The following BDKRB1 variants were observed in gnomAD, a reference collection of about 807,000 sequenced individuals.
The protein encoded by BDKRB1 is B1 bradykinin receptor.
For missense variants in BDKRB1, 414 were observed against 441.4 expected, an observed-to-expected ratio of 0.94 and a Z score of 0.56; for synonymous variants, 192 against 189.1, an observed-to-expected ratio of 1.02 and a Z score of -0.13.
In BDKRB1 at chr14:96,264,618, T is replaced by C. The variant is rs2139817680; in HGVS notation, c.936T>C (p.Tyr312=). Reference sequence around the variant, plus strand: ...ACAGCTCCCTGAATCCAGTAATTTATGTCTTTGTGGGCCGGCTCTTCAGGA... The same window carrying C: ...ACAGCTCCCTGAATCCAGTAATTTACGTCTTTGTGGGCCGGCTCTTCAGGA... ...FTNSSLNPVI[Y]VFVGRLFRTK... Residue 312 remains tyrosine, a synonymous_variant, in exon 3 of 3, where the codon TAT becomes TAC. Coordinates refer to ENST00000216629, the MANE Select transcript of BDKRB1 (RefSeq NM_000710.4). The C allele has an allele frequency of 3.7e-6, 6 of 1,614,220 alleles. No individual in the cohort carries two copies. Among genetic ancestry groups the C allele is most frequent in the East Asian group, 2.2e-5 (1 of 44,876 alleles).
chr14:96,258,827 C>T (rs7159218), intron 1 of BDKRB1, among the ~76,000 whole-genome samples: 4,703 of 151,910 alleles, frequency 0.031, 132 homozygotes, highest in East Asian at 0.13. Flanking sequence ...CCAGCCCACA[C>T]GTATTTTTTT....
chr14:96,258,705 G>T (rs1439447867), intron 1 of BDKRB1, among the ~76,000 whole-genome samples: 6 of 152,084 alleles, frequency 3.9e-5, no homozygotes, highest in African/African-American at 1.4e-4. Context: ...GTTTTCAGTA[G>T]AGACAAAGTT....
At position 96,264,156 on chromosome 14, in the gene BDKRB1, C is replaced by A. The variant is rs749974583; in HGVS notation, c.474C>A (p.Cys158Ter). ...QQRRRQARVT[C>*]VLIWVVGGLL... The stretch of plus-strand genomic sequence containing the variant: ...GGCGGAGGCAGGCCCGGGTCACCTG[C>A]GTGCTCATCTGGGTTGTGGGGGGCC... The change falls in exon 3 of 3, where the codon TGC becomes TGA. Residue 158 changes from cysteine to a stop codon, truncating the protein, a stop_gained. Transcript: ENST00000216629. LOFTEE classifies it low-confidence loss of function (END_TRUNC). The A allele has an allele frequency of 6.2e-7, 1 of 1,601,070 alleles. No homozygotes were observed. The highest frequency in any genetic ancestry group is 8.5e-7 in the Non-Finnish European group (1 of 1,172,798).
In BDKRB1 at chr14:96,263,980, C is replaced by A; in HGVS notation, c.298C>A (p.Gln100Lys). The A allele has an allele frequency of 6.2e-7, 1 of 1,614,214 alleles. No homozygotes were observed. Among genetic ancestry groups the A allele is most frequent in the Non-Finnish European group, 8.5e-7 (1 of 1,180,030 alleles). ...CTTCTGGGCAGAGAATATCTGGAAC[C>A]AGTTTAACTGGCCTTTCGGAGCCCT... is the stretch of plus-strand genomic sequence containing the variant. ...LPFWAENIWNQFNWPFGALLC... is the reference protein window; with the variant it reads ...LPFWAENIWNKFNWPFGALLC... Residue 100 changes from glutamine to lysine, a missense_variant, in exon 3 of 3, where the codon CAG becomes AAG. By Grantham distance (53) the Gln-to-Lys change is moderately conservative. Transcript: ENST00000216629.
chr14:96,260,420 C>A (rs998245558), intron 1 of BDKRB1, among the ~76,000 whole-genome samples: 2 of 152,208 alleles, frequency 1.3e-5, no homozygotes, highest in Admixed American at 1.3e-4. Context: ...CATAGTGATG[C>A]AAATGTCAAC....
chr14:96,258,666 G>A (rs776894703), intron 1 of BDKRB1, among the ~76,000 whole-genome samples: 6 of 151,922 alleles, frequency 3.9e-5, no homozygotes, highest in South Asian at 2.1e-4. Context: ...GATTACAGGC[G>A]CCTGCCACCA....
chr14:96,259,687 G>A (rs1024637324), intron 1 of BDKRB1: 1 of 152,228 alleles, frequency 6.6e-6, no homozygotes, highest in Non-Finnish European at 1.5e-5. Context: ...GTTTCACTTT[G>A]CCAGAATGAA....
chr14:96,263,259 C>A (rs552070628), intron 2 of BDKRB1, among the ~76,000 whole-genome samples: 1 of 152,168 alleles, frequency 6.6e-6, no homozygotes, highest in Non-Finnish European at 1.5e-5. Flanking sequence ...ATGCAAGGCA[C>A]GGAGCTAAGC....
intron 1 of BDKRB1, among the ~76,000 whole-genome samples, chr14:96,260,792 G>T (rs545922805): frequency 6.6e-6 from 1 of 152,064 alleles, no homozygotes; most frequent in African/African-American, 2.4e-5. Flanking sequence ...TCTCTCCCTT[G>T]GTGATTTCAT....
chr14:96,257,305 C>T (rs1885639273), intron 1 of BDKRB1, among the ~76,000 whole-genome samples: 1 of 152,202 alleles, frequency 6.6e-6, no homozygotes, highest in South Asian at 2.1e-4. Flanking sequence ...AGCCTCACCC[C>T]CGTGCTGGTT....
intron 1 of BDKRB1, among the ~76,000 whole-genome samples, chr14:96,262,350 A>G (rs1427278295): frequency 2.0e-5 from 3 of 152,180 alleles, no homozygotes; most frequent in Admixed American, 6.5e-5. Flanking sequence ...TCCAGGCCCT[A>G]CTGACCAGCT....
intron 1 of BDKRB1, among the ~76,000 whole-genome samples, chr14:96,260,983 AC>A (rs1340837209): frequency 2.0e-5 from 3 of 150,766 alleles, no homozygotes; most frequent in East Asian, 1.9e-4. Flanking sequence ...GTTCTTCCCC[AC>A]CCCCCACAAA....
rs748553489 is a variant in BDKRB1, at chr14:96,264,265, C to A, written c.583C>A (p.His195Asn). The stretch of plus-strand genomic sequence containing the variant: ...CACCGCCTGCATCCTGCTCCTCCCC[C>A]ATGAGGCCTGGCACTTTGCAAGGAT... Reference protein sequence around the residue: ...NITACILLLPHEAWHFARIVE... With the variant: ...NITACILLLPNEAWHFARIVE... Residue 195 changes from histidine to asparagine, a missense_variant, in exon 3 of 3, where the codon CAT (histidine) becomes AAT (asparagine). Transcript: ENST00000216629. The A allele has an allele frequency of 6.9e-5, 112 of 1,614,112 alleles. No individual in the cohort carries two copies. The highest frequency in any genetic ancestry group is 2.3e-4 in the African/African-American group (17 of 74,944).
chr14:96,263,075 C>G lies in BDKRB1; in HGVS notation c.-11+305C>G, dbSNP rs80019384. Among the ~76,000 whole-genome samples the G allele has an allele frequency of 5.0e-3, 763 of 152,248 alleles. 10 individuals carry two copies. The highest frequency in any genetic ancestry group is 0.017 in the African/African-American group (708 of 41,540). On this transcript the variant is annotated intron_variant, in intron 2 of 2. Coordinates refer to ENST00000216629, the MANE Select transcript of BDKRB1 (RefSeq NM_000710.4). ...TATCTCAAGCCATGACCTCTGCCTC[C>G]ATGTCTGCAGCCCCATGAGGCTGGG...
At chr14:96,256,403 T>C (rs1263260453) in intron 1 of BDKRB1, 103 bp downstream of exon 1, 2 of 152,222 alleles carry the variant, frequency 1.3e-5, no homozygotes, top group Non-Finnish European at 2.9e-5. Context: ...CACCTACCTA[T>C]TGGCAAAATT....
At chr14:96,263,608 G>A (rs1360462125) in intron 2 of BDKRB1, 65 bp from the exon 3 acceptor site, 18 of 1,479,510 alleles carry the variant, frequency 1.2e-5, no homozygotes, top group Non-Finnish European at 1.5e-5. Flanking sequence ...CAGGTGACAG[G>A]TTGGTTTGGC....
At chr14:96,263,557 T>G (rs1405926363) in intron 2 of BDKRB1, 116 bp from the exon 3 acceptor site, 3 of 1,111,234 alleles carry the variant, frequency 2.7e-6, no homozygotes, top group Admixed American at 2.9e-5. Flanking sequence ...CGTCCAGGAA[T>G]GGGTGTGGCT....
At chr14:96,258,526 T>C (rs545494837) in intron 1 of BDKRB1, among the ~76,000 whole-genome samples, 1 of 152,384 alleles carries the variant, frequency 6.6e-6, no homozygotes, top group East Asian at 1.9e-4. Context: ...ATAAATATTT[T>C]AGCCCAGATA....
chr14:96,258,020 A>C lies in BDKRB1; in HGVS notation c.-130+1720A>C, dbSNP rs188364189. Among the ~76,000 whole-genome samples the C allele has an allele frequency of 1.7e-4, 26 of 150,856 alleles. 1 individual carries two copies. The East Asian group carries it at 5.2e-3, about 30-fold the overall frequency. ...AGGAGGGAATGAAGGGAAGGAAGGA[A>C]GGAAGGGGAAAAAATCCAACAAAAT... On this transcript the variant is annotated intron_variant, in intron 1 of 2. Transcript: ENST00000216629.
Sources: allele counts gnomAD v4.1 joint callset (sites outside exome capture counted in the v4.1 genomes callset), GRCh38; gene constraint gnomAD v4.1.1; transcripts MANE v1.5; gene names NCBI Gene and HGNC (gene_info 2026-07-23, HGNC 2026-07-21).